The following CHD9 variants were observed in gnomAD, a reference collection of about 807,000 sequenced individuals.
CHD9 encodes ATP-dependent chromatin remodeler CHD9.
CHD9 carries 77 observed loss-of-function variants against 316.1 expected under a neutral mutation model. The observed-to-expected ratio is 0.24, with a 90% CI of 0.20 to 0.29. CHD9 has a LOEUF of 0.29. Among genes scored for constraint, CHD9 ranks in the 10% least tolerant of loss-of-function variants. The probability of loss-of-function intolerance (pLI) is 1.00; values close to 1 mark genes in which losing one functional copy is unlikely to be tolerated. For synonymous variants in CHD9, 1,129 were observed against 1,158.3 expected (o/e 0.97, Z 0.51); for missense variants, 2,763 against 3,438.1 (o/e 0.80, Z 4.91).
rs2047760105 is a variant in CHD9, at chr16:53,227,542, T to C, written c.2113-6T>C. On this transcript the variant is annotated splice_region_variant and splice_polypyrimidine_tract_variant and intron_variant, in intron 6 of 38. Coordinates refer to ENST00000447540, the MANE Select transcript of CHD9 (RefSeq NM_001308319.2). ...AGAGTCACCATTACTGATTTTCTTT[T>C]CTTAGATATCACCTGGAGTGATGAT... 1.4e-6 allele frequency: 2 copies of C among 1,470,150 alleles called. No individual in the cohort carries two copies. The highest frequency in any genetic ancestry group is 2.6e-5 in the East Asian group (1 of 39,206). The allele number at this position is 1,470,150 out of a possible 1,614,324, so 91.1% of individuals were successfully genotyped here.
At chr16:53,100,178 T>C (rs1194576025) in intron 1 of CHD9, among the ~76,000 whole-genome samples, 1 of 152,220 alleles carries the variant, frequency 6.6e-6, no homozygotes, top group African/African-American at 2.4e-5. Flanking sequence ...ACCCGGAGAA[T>C]GTGAGCCGAA....
At chr16:53,170,870 A>G (rs904632300) in intron 2 of CHD9, among the ~76,000 whole-genome samples, 13 of 152,114 alleles carry the variant, frequency 8.5e-5, no homozygotes, top group African/African-American at 1.7e-4. Flanking sequence ...TTTTTTGAAC[A>G]CTTATCATAA....
chr16:53,265,055 T>C (rs964158405), intron 20 of CHD9, among the ~76,000 whole-genome samples: 1 of 152,200 alleles, frequency 6.6e-6, no homozygotes, highest in South Asian at 2.1e-4. Context: ...TAAGGACTTT[T>C]CTGAAAATGT....
At chr16:53,147,064 A>C (rs1205500257) in intron 1 of CHD9, among the ~76,000 whole-genome samples, 1 of 152,210 alleles carries the variant, frequency 6.6e-6, no homozygotes, top group East Asian at 1.9e-4. Context: ...GATACATTAC[A>C]TAAAAATTAC....
At chr16:53,120,979 C>T (rs2038703443) in intron 1 of CHD9, among the ~76,000 whole-genome samples, 2 of 152,238 alleles carry the variant, frequency 1.3e-5, no homozygotes, top group Admixed American at 1.3e-4. Context: ...GCACTCCAGC[C>T]TGGGTGACAG....
At chr16:53,294,636 G>GT (rs2054622655) in intron 29 of CHD9, among the ~76,000 whole-genome samples, 1 of 152,174 alleles carries the variant, frequency 6.6e-6, no homozygotes, top group Non-Finnish European at 1.5e-5. Context: ...TAGAAAGGCA[G>GT]AAGCTGCAGA....
intron 16 of CHD9, among the ~76,000 whole-genome samples, chr16:53,248,526 G>GTTTT (rs542703474): frequency 2.8e-5 from 3 of 105,994 alleles, no homozygotes; most frequent in Non-Finnish European, 3.7e-5. Context: ...TTTTTTTTTT[G>GTTTT]TTTTTTTTTT....
chr16:53,157,078 C>T lies in CHD9; in HGVS notation c.989C>T (p.Thr330Ile), dbSNP rs2041570673. ...ACTCAGCATATCCTAAACCCCAATA[C>T]ATCATTGAATTCAAATAATTTCCAA... ...ESTQHILNPN[T>I]SLNSNNFQIL... Residue 330 changes from threonine to isoleucine, a missense_variant, in exon 2 of 39, where the codon ACA becomes ATA. Thr to Ile is a moderately conservative substitution (Grantham distance 89). Coordinates refer to ENST00000447540, the MANE Select transcript of CHD9 (RefSeq NM_001308319.2). 1 of 1,612,898 alleles carries T rather than the reference C, an allele frequency of 6.2e-7. No individual in the cohort carries two copies. Among genetic ancestry groups the T allele is most frequent in the South Asian group, 1.1e-5 (1 of 91,036 alleles).
At chr16:53,117,417 T>C (rs1199779983) in intron 1 of CHD9, among the ~76,000 whole-genome samples, 1 of 151,488 alleles carries the variant, frequency 6.6e-6, no homozygotes, top group Non-Finnish European at 1.5e-5. Flanking sequence ...AATATATATA[T>C]ATATATATAT....
chr16:53,203,117 A>G (rs1277582468), intron 2 of CHD9, among the ~76,000 whole-genome samples: 1 of 152,198 alleles, frequency 6.6e-6, no homozygotes, highest in African/African-American at 2.4e-5. Context: ...TTAACTACAA[A>G]TCTATTGTTT....
chr16:53,225,435 A>G (rs1488614829), intron 4 of CHD9, among the ~76,000 whole-genome samples: 1 of 152,182 alleles, frequency 6.6e-6, no homozygotes, highest in Non-Finnish European at 1.5e-5. Flanking sequence ...TGGGATTTTG[A>G]AATTTTTATC....
intron 1 of CHD9, among the ~76,000 whole-genome samples, chr16:53,062,937 T>C (rs796644781): frequency 2.6e-5 from 4 of 152,096 alleles, no homozygotes; most frequent in African/African-American, 9.6e-5. Context: ...GAAGAATCGC[T>C]TGGACCCGGG....
chr16:53,246,799 C>A (rs2049668950), intron 15 of CHD9, among the ~76,000 whole-genome samples: 1 of 152,116 alleles, frequency 6.6e-6, no homozygotes, highest in Non-Finnish European at 1.5e-5. Flanking sequence ...GCTGAAATTA[C>A]AGGCACGAGC....
Position 53,157,510 on chromosome 16 carries a change from A to T in CHD9, c.1421A>T (p.His474Leu). 1 of 1,613,574 alleles carries T rather than the reference A, an allele frequency of 6.2e-7. No homozygotes were observed. Among genetic ancestry groups the T allele is most frequent in the Non-Finnish European group, 8.5e-7 (1 of 1,179,630 alleles). ...TCATTTTCTAATCATCAGCATTTAC[A>T]TGACAGAAATCACCTATGTTTACAG... ...HSSFSNHQHL[H>L]DRNHLCLQRQ... The change falls in exon 2 of 39, where the codon CAT (histidine) becomes CTT (leucine). Residue 474 changes from histidine (H) to leucine (L), a missense_variant. His to Leu is a moderately conservative substitution (Grantham distance 99). This residue lies in a region of CHD9 where 859 missense variants were observed against 890.4 expected (regional missense o/e 0.96). Transcript: ENST00000447540.
At chr16:53,116,859 G>T (rs1444377925) in intron 1 of CHD9, among the ~76,000 whole-genome samples, 3 of 152,154 alleles carry the variant, frequency 2.0e-5, no homozygotes, top group African/African-American at 7.2e-5. Context: ...ATAAAAAAGT[G>T]TGGTACATTT....
chr16:53,119,432 A>G (rs1462173835), intron 1 of CHD9, among the ~76,000 whole-genome samples: 2 of 152,326 alleles, frequency 1.3e-5, no homozygotes, highest in African/African-American at 4.8e-5. Context: ...TAACAGCAAT[A>G]TATGAATTTT....
intron 1 of CHD9, among the ~76,000 whole-genome samples, chr16:53,103,353 CTT>C (rs1321386920): frequency 6.6e-6 from 1 of 152,080 alleles, no homozygotes; most frequent in South Asian, 2.1e-4. Context: ...TTTTAGAACA[CTT>C]TTAGATTTGC....
chr16:53,312,509 CAG>C (rs1491273061), intron 34 of CHD9, among the ~76,000 whole-genome samples: 5 of 152,142 alleles, frequency 3.3e-5, no homozygotes, highest in Admixed American at 6.5e-5. Context: ...TAGCATGAAA[CAG>C]AGACTAGATG....
chr16:53,153,702 TA>T (rs2041295597), intron 1 of CHD9, among the ~76,000 whole-genome samples: 1 of 152,010 alleles, frequency 6.6e-6, no homozygotes, highest in Non-Finnish European at 1.5e-5. Flanking sequence ...ATTTTTTTTT[TA>T]TTTTTTATTT....
Sources: gnomAD v4.1 joint callset for allele counts (sites outside exome capture counted in the v4.1 genomes callset) on GRCh38, gnomAD v4.1.1 for gene constraint, gnomAD v4.1.1 regional missense constraint, MANE v1.5 for transcripts, NCBI Gene and HGNC (gene_info 2026-07-23, HGNC 2026-07-21) for gene names.